The following PSMG2 variants were observed in gnomAD, a reference collection of about 807,000 sequenced individuals.
The protein encoded by PSMG2 is CD40 ligand-activated specific transcript 3.
Under a neutral mutation model 31.5 loss-of-function variants are expected in PSMG2, and 21 were observed. The ratio of observed to expected loss-of-function variants is 0.67; its 90% confidence interval spans 0.47 to 0.96. The LOEUF is 0.96. Among genes scored for constraint, PSMG2 ranks in the 40% least tolerant of loss-of-function variants. The probability of loss-of-function intolerance (pLI) is 0.00; values close to 1 mark genes in which losing one functional copy is unlikely to be tolerated. For synonymous variants in PSMG2, 120 were observed against 110.4 expected (o/e 1.09, Z -0.54); for missense variants, 318 against 321.2 (o/e 0.99, Z 0.08).
intron 4 of PSMG2, among the ~76,000 whole-genome samples, chr18:12,719,470 C>T (rs1199438272): frequency 1.3e-5 from 2 of 151,484 alleles, no homozygotes; most frequent in African/African-American, 4.9e-5. Flanking sequence ...TCACTGCAAC[C>T]TCCACCTCCT....
chr18:12,672,490 G>A (rs1328562757), intron 1 of PSMG2: 3 of 191,846 alleles, frequency 1.6e-5, no homozygotes, highest in African/African-American at 4.7e-5. Flanking sequence ...CTTGTTTTCA[G>A]TGGTCTCACA....
intron 1 of PSMG2, chr18:12,665,155 A>G (rs553870242): frequency 1.4e-4 from 22 of 152,284 alleles, no homozygotes; most frequent in African/African-American, 5.1e-4. Context: ...CATGTAATCA[A>G]CATAAAATAT....
chr18:12,670,000 A>C (rs1209934828), intron 1 of PSMG2, among the ~76,000 whole-genome samples: 1 of 150,738 alleles, frequency 6.6e-6, no homozygotes, highest in Non-Finnish European at 1.5e-5. Flanking sequence ...TGTCTCAAAA[A>C]AAAAAAGAAA....
At chr18:12,691,653 T>G (rs1261763451) in intron 1 of PSMG2, among the ~76,000 whole-genome samples, 1 of 152,038 alleles carries the variant, frequency 6.6e-6, no homozygotes, top group Non-Finnish European at 1.5e-5. Context: ...TTACCCCTAG[T>G]ACAATCCCAT....
chr18:12,674,625 T>C, intron 1 of PSMG2: 1 of 1,614,034 alleles, frequency 6.2e-7, no homozygotes, highest in Non-Finnish European at 8.5e-7. Flanking sequence ...GTACAGCCCT[T>C]CTTATGGCAT....
upstream of PSMG2, chr18:12,702,643 G>T: frequency 7.3e-7 from 1 of 1,378,964 alleles, no homozygotes; most frequent in Non-Finnish European, 9.8e-7. Flanking sequence ...AGCGACTGGA[G>T]CACAAAGCGC....
intron 1 of PSMG2, among the ~76,000 whole-genome samples, chr18:12,667,226 T>G (rs1352495924): frequency 1.3e-5 from 2 of 152,120 alleles, no homozygotes; most frequent in African/African-American, 4.8e-5. Flanking sequence ...TTTGGGAGGC[T>G]GAGTGAGGAG....
At chr18:12,690,168 T>C (rs1470916794) in intron 1 of PSMG2, among the ~76,000 whole-genome samples, 1 of 152,184 alleles carries the variant, frequency 6.6e-6, no homozygotes, top group East Asian at 1.9e-4. Context: ...AGTCATTCAA[T>C]ATATAAACAA....
At chr18:12,687,556 G>A (rs1415529929) in intron 1 of PSMG2, among the ~76,000 whole-genome samples, 2 of 151,208 alleles carry the variant, frequency 1.3e-5, no homozygotes, top group African/African-American at 2.4e-5. Context: ...GGGTTCAAGC[G>A]ATTCTTGTGC....
Position 12,682,739 on chromosome 18 carries a change from A to C in PSMG2, c.-36-23811A>C, listed in dbSNP as rs2039395695. Among the ~76,000 whole-genome samples, 4 of 151,980 alleles carry C rather than the reference A, an allele frequency of 2.6e-5. No individual in the cohort carries two copies. The South Asian group carries it at 8.3e-4, about 32-fold the overall frequency. On this transcript the variant is annotated intron_variant, in intron 1 of 6. Transcript: ENST00000585331. Reference sequence around the variant, plus strand: ...CTCCTCCCGGGTTCCAATGATTCTCAGCCTCCTGAGTAGCTAGGACTACAG... The same window carrying C: ...CTCCTCCCGGGTTCCAATGATTCTCCGCCTCCTGAGTAGCTAGGACTACAG...
At chr18:12,723,085 G>T (rs2040445655) in intron 5 of PSMG2, among the ~76,000 whole-genome samples, 1 of 152,224 alleles carries the variant, frequency 6.6e-6, no homozygotes, top group African/African-American at 2.4e-5. Flanking sequence ...TTTAGAGACA[G>T]AAACTAAAGT....
At position 12,717,089 on chromosome 18, in the gene PSMG2, A is replaced by C. The variant is rs575199809; in HGVS notation, c.289-1428A>C. Among the ~76,000 whole-genome samples the C allele has an allele frequency of 2.8e-4, 42 of 151,250 alleles. No homozygotes were observed. In the East Asian group the frequency reaches 8.0e-3, roughly 29 times the overall value. On this transcript the variant is annotated intron_variant, in intron 3 of 6. Coordinates refer to ENST00000317615, the MANE Select transcript of PSMG2 (RefSeq NM_020232.5). Reference sequence around the variant, plus strand: ...CTCAGCCTCCTGAGTACCTGGGGCTACAGACGTGCACTACCATGTGTAATA... The same window carrying C: ...CTCAGCCTCCTGAGTACCTGGGGCTCCAGACGTGCACTACCATGTGTAATA...
intron 3 of PSMG2, among the ~76,000 whole-genome samples, chr18:12,716,534 C>G (rs1355593011): frequency 6.6e-6 from 1 of 151,884 alleles, no homozygotes; most frequent in East Asian, 1.9e-4. Context: ...GCTGGGACTA[C>G]AGGCGCCCAC....
chr18:12,720,514 C>A lies in PSMG2; in HGVS notation c.412C>A (p.Pro138Thr), dbSNP rs1460991180. ...QRNDLQLRST[P>T]FRYLLTPSMQ... The stretch of plus-strand genomic sequence containing the variant: ...TAACTATATGATTATTTCTAGTACT[C>A]CCTTCCGGTACCTACTTACACCTTC... The change falls in exon 5 of 7, where the codon CCC becomes ACC. Residue 138 changes from proline (P) to threonine (T), a missense_variant. Coordinates refer to ENST00000317615, the MANE Select transcript of PSMG2 (RefSeq NM_020232.5). The A allele has an allele frequency of 1.3e-6, 2 of 1,587,984 alleles. No homozygotes were observed. Among genetic ancestry groups the A allele is most frequent in the Admixed American group, 3.7e-5 (2 of 53,708 alleles).
upstream of PSMG2, chr18:12,702,467 C>T (rs760481464): frequency 6.3e-7 from 1 of 1,590,874 alleles, no homozygotes; most frequent in Non-Finnish European, 8.6e-7. Flanking sequence ...CGGTCTCTCC[C>T]AGCACCCGCG....
intron 1 of PSMG2, among the ~76,000 whole-genome samples, chr18:12,674,343 G>A (rs988597135): frequency 6.6e-6 from 1 of 151,816 alleles, no homozygotes; most frequent in African/African-American, 2.4e-5. Flanking sequence ...CTGGGAGGGT[G>A]AGGTGGAAGG....
rs2040455165 is a variant in PSMG2, at chr18:12,724,251, A to C, written c.582-248A>C. The stretch of plus-strand genomic sequence containing the variant: ...TTATCTGCTGTAGCCAAGGACAGAA[A>C]GGCTGGTTTTTCATGCAGCCATGGG... On this transcript the variant is annotated intron_variant, in intron 5 of 6. Transcript: ENST00000317615. 7.9e-6 allele frequency: 3 copies of C among 381,696 alleles called. 1 individual carries two copies. The highest frequency in any genetic ancestry group is 1.4e-5 in the Non-Finnish European group (3 of 216,222). The allele number at this position is 381,696 out of a possible 1,614,324, so 23.6% of individuals were successfully genotyped here. A position where few individuals can be genotyped will look rare whatever the true frequency, so the allele number is the denominator to read the frequency against.
rs1224347472 is a variant in PSMG2 at position 12,718,617 on chromosome 18, A to G, written c.389A>G (p.Asn130Ser). 1.4e-5 allele frequency: 23 copies of G among 1,604,136 alleles called. No individual in the cohort carries two copies. Among genetic ancestry groups the G allele is most frequent in the Non-Finnish European group, 2.0e-5 (23 of 1,173,092 alleles). ...VLSSSHSYQR[N>S]DLQLRSTPFR... ...TCAAGCAGTCATTCATATCAGCGTAATGATCTGCAGCTTCGTAGGTATGTT... is the reference window on the plus strand; with the variant it reads ...TCAAGCAGTCATTCATATCAGCGTAGTGATCTGCAGCTTCGTAGGTATGTT... The change falls in exon 4 of 7, where the codon AAT becomes AGT. Residue 130 changes from asparagine to serine, a missense_variant. Asn to Ser is a conservative substitution (Grantham distance 46). Coordinates refer to ENST00000317615, the MANE Select transcript of PSMG2 (RefSeq NM_020232.5).
chr18:12,702,412 G>C, upstream of PSMG2: 1 of 1,192,180 alleles, frequency 8.4e-7, no homozygotes, highest in Non-Finnish European at 1.2e-6. Flanking sequence ...GCCGCTGTCG[G>C]CCCGGGGCCG....
Sources: gnomAD v4.1 joint callset for allele counts (sites outside exome capture counted in the v4.1 genomes callset) on GRCh38, gnomAD v4.1.1 for gene constraint, MANE v1.5 for transcripts, NCBI Gene and HGNC (gene_info 2026-07-23, HGNC 2026-07-21) for gene names.